Variants in PITPNC1 observed in about 807,000 individuals in gnomAD.
The protein encoded by PITPNC1 is cytoplasmic phosphatidylinositol transfer protein 1.
Under a neutral mutation model 44.7 loss-of-function variants are expected in PITPNC1, and 18 were observed. The observed-to-expected ratio is 0.40, with a 90% CI of 0.28 to 0.60. The LOEUF (loss-of-function observed/expected upper bound fraction) is 0.60. Ranked by LOEUF, PITPNC1 falls within the 20% of genes least tolerant of loss-of-function variation. The probability of loss-of-function intolerance (pLI) is 0.39; values close to 1 mark genes in which losing one functional copy is unlikely to be tolerated. For synonymous variants in PITPNC1, 141 were observed against 149.6 expected, an observed-to-expected ratio of 0.94 and a Z score of 0.42; for missense variants, 290 against 418.4, an observed-to-expected ratio of 0.69 and a Z score of 2.68.
At chr17:67,409,306 G>A (rs578170829) in intron 1 of PITPNC1, among the ~76,000 whole-genome samples, 322 of 150,654 alleles carry the variant, frequency 2.1e-3, no homozygotes, top group Admixed American at 6.0e-3. Context: ...GGATGGTCTC[G>A]ATCTCCTGAC....
chr17:67,496,335 C>T (rs2039952029), intron 1 of PITPNC1, among the ~76,000 whole-genome samples: 1 of 152,204 alleles, frequency 6.6e-6, no homozygotes, highest in Non-Finnish European at 1.5e-5. Flanking sequence ...ATGTAAATTA[C>T]ATGAAAAATA....
intron 4 of PITPNC1, among the ~76,000 whole-genome samples, chr17:67,558,465 C>G (rs1356732953): frequency 6.8e-6 from 1 of 147,246 alleles, no homozygotes; most frequent in African/African-American, 2.5e-5. Flanking sequence ...TTTTCTAGAG[C>G]TAAAAAAAAA....
chr17:67,618,801 G>GT (rs1490979136), intron 5 of PITPNC1, among the ~76,000 whole-genome samples: 2 of 152,008 alleles, frequency 1.3e-5, no homozygotes, highest in East Asian at 3.9e-4. Flanking sequence ...GCTCATGCCT[G>GT]TAATCCCAGC....
At chr17:67,543,720 G>A (rs764731055) in intron 2 of PITPNC1, among the ~76,000 whole-genome samples, 11 of 152,078 alleles carry the variant, frequency 7.2e-5, no homozygotes, top group Non-Finnish European at 1.5e-4. Context: ...AGATTGTGGG[G>A]TTGCTTCATC....
chr17:67,453,598 C>G (rs1345092590), intron 1 of PITPNC1, among the ~76,000 whole-genome samples: 1 of 152,150 alleles, frequency 6.6e-6, no homozygotes, highest in Non-Finnish European at 1.5e-5. Context: ...ATATGTCAGG[C>G]TTTGTGGGCC....
intron 4 of PITPNC1, among the ~76,000 whole-genome samples, chr17:67,572,250 C>A (rs1393942819): frequency 6.6e-6 from 1 of 151,982 alleles, no homozygotes; most frequent in African/African-American, 2.4e-5. Flanking sequence ...AGAATCCCTC[C>A]ACCCAAGGAC....
chr17:67,575,869 TC>T (rs57333621), intron 4 of PITPNC1, among the ~76,000 whole-genome samples: 8,187 of 50,154 alleles, frequency 0.16, 1,109 homozygotes, highest in East Asian at 0.2. Flanking sequence ...CTTCCTTCTT[TC>T]TTTCTTTCCT....
At chr17:67,612,672 C>CGGATGGATGGATGGGCGGAT (rs2041702892) in intron 5 of PITPNC1, 1 of 147,236 alleles carries the variant, frequency 6.8e-6, no homozygotes, top group African/African-American at 2.5e-5. Context: ...GATGGATGGG[C>CGGATGGATGGATGGGCGGAT]GGATGGATGG....
chr17:67,534,749 A>G (rs955081391), intron 2 of PITPNC1, among the ~76,000 whole-genome samples: 1 of 152,342 alleles, frequency 6.6e-6, no homozygotes, highest in South Asian at 2.1e-4. Flanking sequence ...CCATTTCATG[A>G]ATACTTTTAC....
chr17:67,392,483 A>T (rs1194503933), intron 1 of PITPNC1, among the ~76,000 whole-genome samples: 2 of 152,154 alleles, frequency 1.3e-5, no homozygotes, highest in Admixed American at 6.5e-5. Context: ...AGCTCAAGTG[A>T]TCTACCAGCC....
At position 67,532,788 on chromosome 17, in the gene PITPNC1, A is replaced by G; in HGVS notation, c.49-14A>G. On this transcript the variant is annotated splice_polypyrimidine_tract_variant and intron_variant, in intron 1 of 8. Coordinates refer to ENST00000581322, the MANE Select transcript of PITPNC1 (RefSeq NM_012417.4). ...TGTGGGGCTGACCTTTCTGTCTCTG[A>G]CTCTGTTTTGTAGTACAAAATTGGA... The G allele has an allele frequency of 6.4e-7, 1 of 1,551,202 alleles. No homozygotes were observed. Among genetic ancestry groups the G allele is most frequent in the Non-Finnish European group, 8.7e-7 (1 of 1,146,598 alleles).
Position 67,692,865 on chromosome 17 carries a change from C to T in PITPNC1, c.976C>T (p.Pro326Ser). ...NLPGMHSSDK[P>S]CRPKSE ...ACCCGGCATGCACTCTTCAGATAAG[C>T]CATGTCGGCCCAAATCTGAGTAACT... Residue 326 changes from proline (P) to serine (S), a missense_variant, in exon 9 of 9, where the codon CCA becomes TCA. Transcript: ENST00000581322. 6.2e-7 allele frequency: 1 copy of T among 1,604,424 alleles called. No individual in the cohort carries two copies. Among genetic ancestry groups the T allele is most frequent in the Non-Finnish European group, 8.5e-7 (1 of 1,171,954 alleles).
chr17:67,546,787 C>T lies in PITPNC1; in HGVS notation c.198-5470C>T, dbSNP rs530451447. ...TGGCCAGTCCCTGCCGGGGAGGCCC[C>T]GGCAGCCTTGCCTCCCACAGCTGAT... On this transcript the variant is annotated intron_variant, in intron 2 of 8. Transcript: ENST00000581322. Among the ~76,000 whole-genome samples the T allele has an allele frequency of 3.3e-5, 5 of 152,266 alleles. No individual in the cohort carries two copies. The South Asian group carries it at 1.0e-3, about 32-fold the overall frequency.
chr17:67,420,795 C>T (rs968738125), intron 1 of PITPNC1, among the ~76,000 whole-genome samples: 6 of 152,102 alleles, frequency 3.9e-5, no homozygotes, highest in African/African-American at 1.2e-4. Context: ...TATATTTTCT[C>T]GTTGTAGAAG....
At chr17:67,603,659 G>C (rs1257580781) in intron 5 of PITPNC1, among the ~76,000 whole-genome samples, 1 of 152,192 alleles carries the variant, frequency 6.6e-6, no homozygotes, top group East Asian at 1.9e-4. Flanking sequence ...GCCAGGCGCG[G>C]TGGCTCACAC....
chr17:67,669,566 G>A lies in PITPNC1; in HGVS notation c.521G>A (p.Arg174Lys). The A allele has an allele frequency of 6.2e-7, 1 of 1,609,610 alleles. No individual in the cohort carries two copies. The highest frequency in any genetic ancestry group is 2.2e-5 in the East Asian group (1 of 44,828). ...TGRGQLREGW[R>K]DSHQPIMCSY... Reference sequence around the variant, plus strand: ...CGGGGACAGTTGAGGGAAGGCTGGAGAGATAGTCATCAGCCTATCATGTGC... The same window carrying A: ...CGGGGACAGTTGAGGGAAGGCTGGAAAGATAGTCATCAGCCTATCATGTGC... Residue 174 changes from arginine (R) to lysine (K), a missense_variant, in exon 7 of 9, where the codon AGA becomes AAA. Transcript: ENST00000581322.
chr17:67,581,160 A>G (rs1209212936), intron 5 of PITPNC1, among the ~76,000 whole-genome samples: 1 of 152,182 alleles, frequency 6.6e-6, no homozygotes, highest in East Asian at 1.9e-4. Context: ...CAAAATTCAT[A>G]TGGTTATTGT....
At chr17:67,672,849 A>T (rs1326839114) in intron 7 of PITPNC1, among the ~76,000 whole-genome samples, 1 of 152,134 alleles carries the variant, frequency 6.6e-6, no homozygotes, top group East Asian at 1.9e-4. Flanking sequence ...CATGGGTTGA[A>T]GGTGCCAGGG....
chr17:67,626,813 A>T (rs1246109615), intron 5 of PITPNC1, among the ~76,000 whole-genome samples: 1 of 144,074 alleles, frequency 6.9e-6, no homozygotes, highest in Non-Finnish European at 1.5e-5. Flanking sequence ...AGGATCTCAG[A>T]CTCATGAAAA....
Sources: allele counts gnomAD v4.1 joint callset (sites outside exome capture counted in the v4.1 genomes callset), GRCh38; gene constraint gnomAD v4.1.1; transcripts MANE v1.5; gene names NCBI Gene and HGNC (gene_info 2026-07-23, HGNC 2026-07-21).